Variants in KDM4B observed in about 807,000 individuals in gnomAD.
KDM4B encodes lysine-specific demethylase 4B.
KDM4B carries 32 observed loss-of-function variants against 125.2 expected under a neutral mutation model. The ratio of observed to expected loss-of-function variants is 0.26; its 90% CI spans 0.19 to 0.34. The LOEUF (loss-of-function observed/expected upper bound fraction) is 0.34, where lower values mean the gene tolerates loss of function less well. Ranked by LOEUF, KDM4B falls within the 10% of genes least tolerant of loss-of-function variation. The pLI is 1.00. For missense variants in KDM4B, 1,190 were observed against 1,577.7 expected (o/e 0.75, Z 4.16); for synonymous variants, 721 against 677.9 (o/e 1.06, Z -0.99).
chr19:5,017,722 T>TA (rs2145527880), intron 2 of KDM4B, among the ~76,000 whole-genome samples: 1 of 152,298 alleles, frequency 6.6e-6, no homozygotes, highest in East Asian at 1.9e-4. Context: ...CTCTGTCAGT[T>TA]AGCTTTATTA....
intron 4 of KDM4B, 77 bp from the exon 5 acceptor site, chr19:5,041,060 G>A: frequency 1.1e-6 from 1 of 914,026 alleles, no homozygotes; most frequent in African/African-American, 1.7e-5. Flanking sequence ...GGGTGCCCTG[G>A]GTTCCAGGTG....
intron 1 of KDM4B, among the ~76,000 whole-genome samples, chr19:4,977,377 G>A (rs531172417): frequency 2.6e-5 from 4 of 152,196 alleles, no homozygotes; most frequent in Non-Finnish European, 5.9e-5. Context: ...ACCTGGCCCC[G>A]TTTGCTGGTA....
intron 3 of KDM4B, among the ~76,000 whole-genome samples, chr19:5,036,954 G>A (rs1014613548): frequency 3.3e-5 from 5 of 152,236 alleles, no homozygotes; most frequent in African/African-American, 1.2e-4. Context: ...GGCTCCGTGT[G>A]TGCGGCGCAG....
At chr19:5,065,525 T>C (rs1235267258) in intron 6 of KDM4B, among the ~76,000 whole-genome samples, 1 of 152,250 alleles carries the variant, frequency 6.6e-6, no homozygotes, top group Admixed American at 6.5e-5. Context: ...GCTTTTATAG[T>C]CTGATAATTA....
chr19:4,990,591 A>G (rs931093302), intron 1 of KDM4B, among the ~76,000 whole-genome samples: 1 of 152,166 alleles, frequency 6.6e-6, no homozygotes, highest in Non-Finnish European at 1.5e-5. Context: ...CCGTGTTTTA[A>G]TACTGTCATT....
chr19:5,003,896 G>C lies in KDM4B; in HGVS notation c.-108-12361G>C, dbSNP rs1599392671. Among the ~76,000 whole-genome samples the C allele has an allele frequency of 3.9e-5, 6 of 152,258 alleles. 1 individual carries two copies. Among genetic ancestry groups the C allele is most frequent in the Admixed American group, 3.9e-4 (6 of 15,280 alleles). On this transcript the variant is annotated intron_variant, in intron 1 of 22. Transcript: ENST00000159111. Reference sequence around the variant, plus strand: ...CCGTATATGCCTGAGTCTGTGTTTGGTCTTCCTCGTCTCTCCACAGCAGGT... The same window carrying C: ...CCGTATATGCCTGAGTCTGTGTTTGCTCTTCCTCGTCTCTCCACAGCAGGT...
intron 9 of KDM4B, among the ~76,000 whole-genome samples, chr19:5,110,265 G>A (rs1035722940): frequency 3.3e-5 from 5 of 152,222 alleles, no homozygotes; most frequent in African/African-American, 1.2e-4. Context: ...GAACCCAGGA[G>A]TTCAAGACTA....
chr19:5,002,890 G>T (rs1304419230), intron 1 of KDM4B, among the ~76,000 whole-genome samples: 1 of 152,162 alleles, frequency 6.6e-6, no homozygotes. Flanking sequence ...GTTCAAGGCT[G>T]CCATGAGCTA....
intron 2 of KDM4B, among the ~76,000 whole-genome samples, chr19:5,030,613 G>A (rs912446312): frequency 6.6e-6 from 1 of 152,250 alleles, no homozygotes; most frequent in Non-Finnish European, 1.5e-5. Flanking sequence ...CTGGGTGCAC[G>A]AGGGTCCCAG....
At chr19:5,034,858 G>A (rs148041125) in intron 3 of KDM4B, among the ~76,000 whole-genome samples, 8 of 152,286 alleles carry the variant, frequency 5.3e-5, no homozygotes, top group Non-Finnish European at 7.4e-5. Context: ...TGGCTCTGTC[G>A]CCCAGGCTGG....
rs1486570601 is a variant in KDM4B at position 4,971,556 on chromosome 19, C to T, written c.-109+2326C>T. Among the ~76,000 whole-genome samples the T allele has an allele frequency of 6.6e-6, 1 of 152,190 alleles. No homozygotes were observed. Among genetic ancestry groups the T allele is most frequent in the Non-Finnish European group, 1.5e-5 (1 of 68,028 alleles). Reference sequence around the variant, plus strand: ...TGTGGGGACGTGCCTTGGGGTCATGCGTTCACCTGGTCTGGGGCTGCTAGG... The same window carrying T: ...TGTGGGGACGTGCCTTGGGGTCATGTGTTCACCTGGTCTGGGGCTGCTAGG... On this transcript the variant is annotated intron_variant, in intron 1 of 22. Coordinates refer to ENST00000159111, the MANE Select transcript of KDM4B (RefSeq NM_015015.3). The surrounding 1 kb of genome is among the most constrained non-coding windows in gnomAD (Gnocchi z 4.1).
At position 5,040,028 on chromosome 19, in the gene KDM4B, G is replaced by A. The variant is rs2036755798; in HGVS notation, c.317+17G>A. 6.3e-7 allele frequency: 1 copy of A among 1,597,708 alleles called. No homozygotes were observed. The highest frequency in any genetic ancestry group is 8.6e-7 in the Non-Finnish European group (1 of 1,169,380). On this transcript the variant is annotated intron_variant, in intron 4 of 22. Coordinates refer to ENST00000159111, the MANE Select transcript of KDM4B (RefSeq NM_015015.3). ...CAGCGAGAAGTACGCGGGGCGGGCAGGGCGGACCTGACCCCCGCCCCCGGG... is the reference window on the plus strand; with the variant it reads ...CAGCGAGAAGTACGCGGGGCGGGCAAGGCGGACCTGACCCCCGCCCCCGGG...
intron 2 of KDM4B, among the ~76,000 whole-genome samples, chr19:5,023,920 G>A (rs534956547): frequency 9.2e-5 from 14 of 151,980 alleles, no homozygotes; most frequent in Middle Eastern, 3.4e-3. Context: ...ACGCCTGGCT[G>A]ATTTTTAAAT....
At chr19:5,146,450 A>G (rs901406613) in intron 21 of KDM4B, among the ~76,000 whole-genome samples, 1 of 152,160 alleles carries the variant, frequency 6.6e-6, no homozygotes, top group African/African-American at 2.4e-5. Flanking sequence ...ATCTCCAGAC[A>G]CTGTCACTTC....
chr19:5,071,261 G>A (rs1476419585), intron 7 of KDM4B, among the ~76,000 whole-genome samples: 5 of 152,214 alleles, frequency 3.3e-5, no homozygotes, highest in South Asian at 4.1e-4. Context: ...CTTCTGCCGC[G>A]CAGTTTGTCT....
chr19:5,144,805 G>A lies in KDM4B; in HGVS notation c.2924G>A (p.Gly975Glu). ...SITSRDCVQL[G>E]PPSEGELVEL... is the part of the protein sequence containing the mutation. ...CAGAGTAGGGACTGTGTCCAGCTGG[G>A]ACCCCCTTCCGAGGGGGAGCTGGTG... The change falls in exon 21 of 23, where the codon GGA (glycine) becomes GAA (glutamate). Residue 975 changes from glycine to glutamate, a missense_variant. By Grantham distance (98) the Gly-to-Glu change is moderately conservative. Around this residue, in one of 7 missense-constraint regions of KDM4B, gnomAD observed 298 missense variants for 439.7 expected, o/e 0.68. Transcript: ENST00000159111. 2 of 1,613,428 alleles carry A rather than the reference G, an allele frequency of 1.2e-6. No homozygotes were observed. The highest frequency in any genetic ancestry group is 1.7e-6 in the Non-Finnish European group (2 of 1,179,896).
In KDM4B at chr19:5,119,639, A is replaced by G; in HGVS notation, c.1116-14A>G. On this transcript the variant is annotated splice_polypyrimidine_tract_variant and intron_variant, in intron 10 of 22. Coordinates refer to ENST00000159111, the MANE Select transcript of KDM4B (RefSeq NM_015015.3). ...CCTGGTCTCCCCTCCTGCCTGATAA[A>G]CCTCCCTCTCCAGGTCTCACCGGAA... The G allele has an allele frequency of 6.4e-7, 1 of 1,550,456 alleles. No homozygotes were observed. Among genetic ancestry groups the G allele is most frequent in the East Asian group, 2.4e-5 (1 of 40,928 alleles).
intron 3 of KDM4B, 54 bp from the exon 4 acceptor site, chr19:5,039,782 T>A: frequency 1.3e-6 from 2 of 1,579,710 alleles, no homozygotes; most frequent in Non-Finnish European, 1.7e-6. Flanking sequence ...GTCTGCTCTC[T>A]GGCCCTGCCC....
chr19:5,018,574 A>G (rs1190553397), intron 2 of KDM4B, among the ~76,000 whole-genome samples: 1 of 152,174 alleles, frequency 6.6e-6, no homozygotes. Flanking sequence ...TTTTACTGAG[A>G]GGAAATTCAC....
Sources: gnomAD v4.1 joint callset for allele counts (sites outside exome capture counted in the v4.1 genomes callset) on GRCh38, gnomAD v4.1.1 for gene constraint, gnomAD v4.1.1 regional missense constraint, Gnocchi (gnomAD v3.1) non-coding constraint, MANE v1.5 for transcripts, NCBI Gene and HGNC (gene_info 2026-07-23, HGNC 2026-07-21) for gene names.